Variants in HMGN3 observed in about 807,000 individuals in gnomAD.
The protein encoded by HMGN3 is high mobility group nucleosomal binding domain 3, also known as high mobility group nucleosome-binding domain-containing protein 3.
In HMGN3, 6 loss-of-function variants were observed where a neutral mutation model predicts 18.8. The observed-to-expected ratio is 0.32, with a 90% CI of 0.18 to 0.63. HMGN3 has a LOEUF of 0.63. HMGN3 is among the 30% of genes least tolerant of loss of function. The probability of loss-of-function intolerance (pLI) is 0.79; values close to 1 mark genes in which losing one functional copy is unlikely to be tolerated. For synonymous variants in HMGN3, 40 were observed against 36.5 expected, an observed-to-expected ratio of 1.10 and a Z score of -0.35; for missense variants, 107 against 114.2, an observed-to-expected ratio of 0.94 and a Z score of 0.29.
At chr6:79,218,442 T>C (rs1208340425) in intron 1 of HMGN3, among the ~76,000 whole-genome samples, 2 of 152,184 alleles carry the variant, frequency 1.3e-5, no homozygotes, top group Non-Finnish European at 2.9e-5. Flanking sequence ...ATCAGAAGGA[T>C]ATATACACTG....
intron 3 of HMGN3, among the ~76,000 whole-genome samples, chr6:79,205,500 T>C (rs1421492524): frequency 2.0e-5 from 3 of 152,236 alleles, no homozygotes; most frequent in Non-Finnish European, 4.4e-5. Flanking sequence ...ACGTAAGACA[T>C]AATTTGCTCC....
Position 79,215,002 on chromosome 6 carries a change from GC to G in HMGN3, c.35del (p.Gly12AlafsTer7). 2 of 1,523,004 alleles carry G rather than the reference GC, an allele frequency of 1.3e-6. No individual in the cohort carries two copies. Among genetic ancestry groups the G allele is most frequent in the Non-Finnish European group, 1.8e-6 (2 of 1,114,868 alleles). 94.3% of individuals were successfully genotyped at this position (1,523,004 alleles called of 1,614,324 possible). On this transcript the variant is annotated frameshift_variant, in exon 2 of 6. Coordinates refer to ENST00000344726, the Ensembl canonical transcript of HMGN3. LOFTEE classifies it high-confidence loss of function. ...GTTTAGTTACTTTGGATCCATCTTTGCCCTCTGTATTCTCTGGAGACTAGAA... is the reference window on the plus strand; with the variant it reads ...GTTTAGTTACTTTGGATCCATCTTTGCCTCTGTATTCTCTGGAGACTAGAA...
intron 1 of HMGN3, among the ~76,000 whole-genome samples, chr6:79,217,538 T>C (rs1777054181): frequency 6.6e-6 from 1 of 152,220 alleles, no homozygotes; most frequent in Non-Finnish European, 1.5e-5. Context: ...AGATCTTTAG[T>C]CTTCTAAATT....
At position 79,228,247 on chromosome 6, in the gene HMGN3, G is replaced by T. The variant is rs144345714; in HGVS notation, c.15+6299C>A. On this transcript the variant is annotated intron_variant, in intron 1 of 5. Transcript: ENST00000344726. ...GACAGAAAAATCCTTAAAAACAAGG[G>T]TATTTACTCATTCAGGTTGAAAAAA... Among the ~76,000 whole-genome samples, 45 of 152,048 alleles carry T rather than the reference G, an allele frequency of 3.0e-4. 1 individual carries two copies. Among genetic ancestry groups the T allele is most frequent in the African/African-American group, 9.7e-4 (40 of 41,430 alleles).
At chr6:79,219,380 T>C (rs553782730) in intron 1 of HMGN3, among the ~76,000 whole-genome samples, 1 of 152,280 alleles carries the variant, frequency 6.6e-6, no homozygotes, top group South Asian at 2.1e-4. Flanking sequence ...AATAAAGCCA[T>C]TTCAGAATAC....
chr6:79,234,487 C>A, intron 1 of HMGN3, 59 bp downstream of exon 1: 24 of 1,557,994 alleles, frequency 1.5e-5, no homozygotes, highest in Non-Finnish European at 2.1e-5. Flanking sequence ...ATTGCAATGC[C>A]AGCATTTACT....
At chr6:79,228,909 T>C (rs755175238) in intron 1 of HMGN3, among the ~76,000 whole-genome samples, 3 of 152,138 alleles carry the variant, frequency 2.0e-5, no homozygotes, top group Non-Finnish European at 4.4e-5. Context: ...ATACAGACCA[T>C]AAAACATAAT....
intron 1 of HMGN3, among the ~76,000 whole-genome samples, chr6:79,232,950 T>C (rs558842675): frequency 6.6e-6 from 1 of 152,328 alleles, no homozygotes; most frequent in African/African-American, 2.4e-5. Context: ...GAAAATACCT[T>C]CATAAAATTA....
At chr6:79,229,174 T>C (rs1777711959) in intron 1 of HMGN3, among the ~76,000 whole-genome samples, 1 of 152,152 alleles carries the variant, frequency 6.6e-6, no homozygotes, top group South Asian at 2.1e-4. Flanking sequence ...ATTAGGCAAA[T>C]ATTTATTAGA....
At chr6:79,205,399 A>G (rs1776371059) in intron 3 of HMGN3, among the ~76,000 whole-genome samples, 1 of 152,210 alleles carries the variant, frequency 6.6e-6, no homozygotes, top group South Asian at 2.1e-4. Context: ...CACTGTTCTC[A>G]TGATTAGTGA....
chr6:79,226,866 TAGA>T (rs1191898127), intron 1 of HMGN3, among the ~76,000 whole-genome samples: 2 of 152,174 alleles, frequency 1.3e-5, no homozygotes, highest in East Asian at 3.8e-4. Context: ...GCCCACAGGG[TAGA>T]AGAATACTGG....
rs545390483 is a variant in HMGN3 at position 79,215,371 on chromosome 6, T to A, written c.16-349A>T. On this transcript the variant is annotated intron_variant, in intron 1 of 5. Coordinates refer to ENST00000344726, the Ensembl canonical transcript of HMGN3. ...TGGCAGGAATGCCTGGGAGCCACCC[T>A]CTTGTTCCATTTGCTTGTTCCAGTC... 3.3e-5 allele frequency among the ~76,000 whole-genome samples: 5 copies of A among 152,342 alleles called. No homozygotes were observed. In the South Asian group the frequency reaches 1.0e-3, roughly 32 times the overall value.
chr6:79,234,644 G>T lies in HMGN3; in HGVS notation c.-84C>A. 1 of 1,364,530 alleles carries T rather than the reference G, an allele frequency of 7.3e-7. No homozygotes were observed. Among genetic ancestry groups the T allele is most frequent in the Non-Finnish European group, 1.0e-6 (1 of 958,986 alleles). The allele number at this position is 1,364,530 out of a possible 1,614,324, so 84.5% of individuals were successfully genotyped here. A position where few individuals can be genotyped will look rare whatever the true frequency, so the allele number is the denominator to read the frequency against. ...GCTGGATGCTGCCTCTGCCTCTGCA[G>T]CTGCTCACGCGCAGGGCACGACGTA... On this transcript the variant is annotated 5_prime_UTR_variant, in exon 1 of 6. It adds an upstream start codon to the 5' untranslated region. Transcript: ENST00000344726.
At chr6:79,204,749 T>C (rs1353832597) in intron 3 of HMGN3, among the ~76,000 whole-genome samples, 3 of 152,186 alleles carry the variant, frequency 2.0e-5, no homozygotes, top group Admixed American at 6.5e-5. Context: ...TTCAGAAGAT[T>C]GGCTGTTAGA....
intron 1 of HMGN3, among the ~76,000 whole-genome samples, chr6:79,223,904 C>T (rs1239558256): frequency 6.6e-6 from 1 of 152,040 alleles, no homozygotes; most frequent in African/African-American, 2.4e-5. Flanking sequence ...TCTCACTCAC[C>T]TGACTAACTT....
In HMGN3 at chr6:79,212,294, T is replaced by C. The variant is rs181307042; in HGVS notation, c.66+2678A>G. On this transcript the variant is annotated intron_variant, in intron 2 of 5. Coordinates refer to ENST00000344726, the Ensembl canonical transcript of HMGN3. ...GGGAAAATCATGTTTCTCTGAGAAC[T>C]TTGCTCTAGTTAAAATAGGGATAAC... Among the ~76,000 whole-genome samples, 476 of 152,338 alleles carry C rather than the reference T, an allele frequency of 3.1e-3. 2 individuals carry two copies. Among genetic ancestry groups the C allele is most frequent in the African/African-American group, 1.0e-2 (414 of 41,578 alleles).
chr6:79,208,264 T>C (rs1776514839), intron 3 of HMGN3, among the ~76,000 whole-genome samples: 1 of 152,134 alleles, frequency 6.6e-6, no homozygotes, highest in Admixed American at 6.5e-5. Context: ...GACTGGAACT[T>C]TGCCTAATAT....
chr6:79,229,224 T>TTA (rs1562004947), intron 1 of HMGN3, among the ~76,000 whole-genome samples: 1 of 152,218 alleles, frequency 6.6e-6, no homozygotes, highest in Non-Finnish European at 1.5e-5. Flanking sequence ...TAAAAACTTT[T>TTA]GTTCTTCAAA....
intron 3 of HMGN3, among the ~76,000 whole-genome samples, chr6:79,207,781 G>A (rs1004879350): frequency 6.6e-6 from 1 of 152,110 alleles, no homozygotes; most frequent in African/African-American, 2.4e-5. Context: ...GTAGCATGAA[G>A]CTTCTGTAAT....
Sources: gnomAD v4.1 joint callset for allele counts (sites outside exome capture counted in the v4.1 genomes callset) on GRCh38, gnomAD v4.1.1 for gene constraint, MANE v1.5 for transcripts, NCBI Gene and HGNC (gene_info 2026-07-23, HGNC 2026-07-21) for gene names.